The following RPRD2 variants were observed in gnomAD, a reference collection of about 807,000 sequenced individuals.
The protein encoded by RPRD2 is regulation of nuclear pre-mRNA domain containing 2, also known as regulation of nuclear pre-mRNA domain-containing protein 2.
Under a neutral mutation model 104.4 loss-of-function variants are expected in RPRD2, and 12 were observed. The ratio of observed to expected loss-of-function variants is 0.11; its 90% confidence interval spans 0.07 to 0.19. The LOEUF (loss-of-function observed/expected upper bound fraction) is 0.19, where lower values mean the gene tolerates loss of function less well. Ranked by LOEUF, RPRD2 falls within the 10% of genes least tolerant of loss-of-function variation. The pLI is 1.00. For missense variants in RPRD2, 1,543 were observed against 1,790.1 expected (o/e 0.86, Z 2.49); for synonymous variants, 714 against 684.9 (o/e 1.04, Z -0.66).
chr1:150,376,072 T>G (rs1002464782), intron 1 of RPRD2, among the ~76,000 whole-genome samples: 2 of 152,218 alleles, frequency 1.3e-5, no homozygotes, highest in African/African-American at 2.4e-5. Flanking sequence ...TTTGAAATAT[T>G]AAAGCTTTTC....
chr1:150,381,726 G>C (rs1318902743), intron 1 of RPRD2, among the ~76,000 whole-genome samples: 2 of 151,794 alleles, frequency 1.3e-5, no homozygotes, highest in Admixed American at 6.6e-5. Flanking sequence ...GGATGGTCTC[G>C]ATCTCCTAAC....
Position 150,387,566 on chromosome 1 carries a change from C to CTTTTTTTTTTTTTTT in RPRD2, c.205+22647_205+22648insTTTTTTTTTTTTTTT, listed in dbSNP as rs1661661325. 8.6e-5 allele frequency among the ~76,000 whole-genome samples: 6 copies of CTTTTTTTTTTTTTTT among 70,116 alleles called. 1 individual carries two copies. Among genetic ancestry groups the CTTTTTTTTTTTTTTT allele is most frequent in the Non-Finnish European group, 8.8e-5 (3 of 34,170 alleles). 46.0% of individuals were successfully genotyped at this position (70,116 alleles called of 152,430 possible). ...TAAATCTTACAGAAGTTGCAACAGACCTTTTTTTTTTTTTTTTTTTTTTTT... is the reference window on the plus strand; with the variant it reads ...TAAATCTTACAGAAGTTGCAACAGACTTTTTTTTTTTTTTTCTTTTTTTTTTTTTTTTTTTTTTTT... On this transcript the variant is annotated intron_variant, in intron 1 of 10. Transcript: ENST00000369068.
At chr1:150,460,394 GGTTGTTGTT>G (rs72430251) in intron 9 of RPRD2, 77 bp downstream of exon 9, 28 of 1,081,784 alleles carry the variant, frequency 2.6e-5, no homozygotes, top group African/African-American at 4.6e-5. Flanking sequence ...TTTTTGGGGG[GGTTGTTGTT>G]GTTGTTGTTG....
At chr1:150,462,125 T>C (rs1441096053) in intron 9 of RPRD2, among the ~76,000 whole-genome samples, 1 of 150,332 alleles carries the variant, frequency 6.7e-6, no homozygotes, top group East Asian at 2.0e-4. Context: ...CTACTAAAAA[T>C]ACAAAAATTA....
intron 1 of RPRD2, among the ~76,000 whole-genome samples, chr1:150,377,510 A>AT (rs1457072524): frequency 1.3e-5 from 2 of 150,752 alleles, no homozygotes; most frequent in African/African-American, 2.4e-5. Context: ...AGGCAGGAGG[A>AT]TGGTGTGAAC....
At chr1:150,461,290 A>G (rs1346240087) in intron 9 of RPRD2, among the ~76,000 whole-genome samples, 1 of 152,088 alleles carries the variant, frequency 6.6e-6, no homozygotes, top group Non-Finnish European at 1.5e-5. Context: ...GTTACCCCAA[A>G]GGAAACCACT....
chr1:150,413,088 C>G (rs1433941607), intron 1 of RPRD2, among the ~76,000 whole-genome samples: 1 of 151,944 alleles, frequency 6.6e-6, no homozygotes, highest in Non-Finnish European at 1.5e-5. Context: ...GAACCTGTTG[C>G]AGGGGTGGTT....
chr1:150,405,400 AT>A (rs1292506714), intron 1 of RPRD2, among the ~76,000 whole-genome samples: 2 of 132,898 alleles, frequency 1.5e-5, no homozygotes, highest in Non-Finnish European at 3.5e-5. Flanking sequence ...TAATGACAAA[AT>A]TTTTTATTTT....
chr1:150,376,758 C>T (rs1196337874), intron 1 of RPRD2, among the ~76,000 whole-genome samples: 3 of 151,610 alleles, frequency 2.0e-5, no homozygotes, highest in Non-Finnish European at 4.4e-5. Flanking sequence ...CCTTGGCCTC[C>T]CAAAGTGCTG....
intron 10 of RPRD2, among the ~76,000 whole-genome samples, chr1:150,468,688 G>A (rs1031651323): frequency 3.3e-5 from 5 of 152,054 alleles, no homozygotes; most frequent in African/African-American, 9.7e-5. Flanking sequence ...ATCAGCCTGC[G>A]CAACATGGTG....
intron 2 of RPRD2, among the ~76,000 whole-genome samples, chr1:150,425,082 T>C (rs1050602088): frequency 6.6e-6 from 1 of 152,154 alleles, no homozygotes; most frequent in East Asian, 1.9e-4. Context: ...CATAACTCTA[T>C]AACTTTAGAT....
chr1:150,464,063 C>T (rs587636020), intron 9 of RPRD2, among the ~76,000 whole-genome samples: 22 of 152,216 alleles, frequency 1.4e-4, no homozygotes, highest in African/African-American at 5.3e-4. Context: ...CAGAGTCTCA[C>T]TGTGTCTCAA....
chr1:150,408,985 C>CA (rs1553887177), intron 1 of RPRD2: 1 of 109,178 alleles, frequency 9.2e-6, no homozygotes, highest in Non-Finnish European at 2.0e-5. Context: ...GTAAAGACTA[C>CA]ATGGATTGAA....
intron 2 of RPRD2, among the ~76,000 whole-genome samples, chr1:150,439,628 T>C (rs1170039708): frequency 1.3e-4 from 3 of 23,048 alleles, no homozygotes; most frequent in African/African-American, 7.8e-4. Context: ...TTGACATAGC[T>C]TTTTTTTTTT....
At chr1:150,397,745 T>A (rs928428987) in intron 1 of RPRD2, among the ~76,000 whole-genome samples, 2 of 152,124 alleles carry the variant, frequency 1.3e-5, no homozygotes, top group Non-Finnish European at 2.9e-5. Flanking sequence ...CCATAAACAT[T>A]TCTTATTTAT....
chr1:150,379,747 A>C lies in RPRD2; in HGVS notation c.205+14828A>C, dbSNP rs369818808. ...AGATGGGATTTCACCATGTGTGGCC[A>C]GGATGGCCTCGATCTCTTGACCTTG... On this transcript the variant is annotated intron_variant, in intron 1 of 10. Transcript: ENST00000369068. 5.9e-5 allele frequency among the ~76,000 whole-genome samples: 9 copies of C among 152,262 alleles called. No homozygotes were observed. In the South Asian group the frequency reaches 1.9e-3, roughly 32 times the overall value.
chr1:150,422,015 C>G (rs1664787098), intron 2 of RPRD2, among the ~76,000 whole-genome samples: 2 of 148,824 alleles, frequency 1.3e-5, no homozygotes, highest in African/African-American at 5.0e-5. Flanking sequence ...TTAAGTATTC[C>G]TTAAACAGCC....
At chr1:150,392,527 A>C (rs1452255181) in intron 1 of RPRD2, among the ~76,000 whole-genome samples, 1 of 152,188 alleles carries the variant, frequency 6.6e-6, no homozygotes, top group Non-Finnish European at 1.5e-5. Context: ...AATAGAATGT[A>C]TAACTTTCAG....
intron 1 of RPRD2, among the ~76,000 whole-genome samples, chr1:150,366,646 T>C (rs2102064483): frequency 6.6e-6 from 1 of 152,330 alleles, no homozygotes; most frequent in South Asian, 2.1e-4. Context: ...ACTCGGAAAT[T>C]AAGTTGCTTA....
Sources: gnomAD v4.1 joint callset for allele counts (sites outside exome capture counted in the v4.1 genomes callset) on GRCh38, gnomAD v4.1.1 for gene constraint, MANE v1.5 for transcripts, NCBI Gene and HGNC (gene_info 2026-07-23, HGNC 2026-07-21) for gene names.